STPG2: variants seen among roughly 807,000 people sequenced by gnomAD.
STPG2 encodes the protein sperm-tail PG-rich repeat-containing protein 2.
A neutral mutation model predicts 54.2 loss-of-function variants in STPG2; 56 were observed. The observed-to-expected ratio is 1.03, with a 90% CI of 0.83 to 1.29. The LOEUF (loss-of-function observed/expected upper bound fraction) is 1.29. STPG2 is among the 50% of genes most tolerant of loss of function. The pLI is 0.00. For missense variants in STPG2, 596 were observed against 544.9 expected, an observed-to-expected ratio of 1.09 and a Z score of -0.93; for synonymous variants, 200 against 181.8, an observed-to-expected ratio of 1.10 and a Z score of -0.81.
chr4:97,735,453 A>G (rs1724951123), intron 9 of STPG2, among the ~76,000 whole-genome samples: 1 of 151,530 alleles, frequency 6.6e-6, no homozygotes. Context: ...GGTACAATGT[A>G]CACTATTCAG....
At chr4:97,963,185 A>AAAC (rs1233442157) in intron 7 of STPG2, among the ~76,000 whole-genome samples, 18 of 151,898 alleles carry the variant, frequency 1.2e-4, no homozygotes, top group Non-Finnish European at 2.2e-4. Context: ...ACAAACAAAC[A>AAAC]AAAAAACAAT....
chr4:97,911,400 C>T (rs1024705868), intron 8 of STPG2, among the ~76,000 whole-genome samples: 23 of 152,188 alleles, frequency 1.5e-4, no homozygotes, highest in African/African-American at 4.8e-4. Context: ...GAACTCCAGA[C>T]GCCCAGTGGC....
chr4:97,854,491 T>C (rs1296612285), intron 8 of STPG2, among the ~76,000 whole-genome samples: 2 of 148,274 alleles, frequency 1.3e-5, no homozygotes, highest in African/African-American at 4.9e-5. Context: ...ATATATATAA[T>C]TTATATATTA....
At chr4:98,049,013 A>T (rs762964568) in intron 5 of STPG2, 1 of 152,310 alleles carries the variant, frequency 6.6e-6, no homozygotes, top group African/African-American at 2.4e-5. Context: ...AAGGGGGTTC[A>T]GGAGATTTTG....
At chr4:98,130,856 A>T (rs1463424913) in intron 2 of STPG2, among the ~76,000 whole-genome samples, 1 of 139,000 alleles carries the variant, frequency 7.2e-6, no homozygotes, top group Non-Finnish European at 1.5e-5. Flanking sequence ...CGGGAGGTGG[A>T]GCTTGCAGTG....
chr4:97,714,702 G>A (rs895690361), intron 9 of STPG2, among the ~76,000 whole-genome samples: 1 of 152,100 alleles, frequency 6.6e-6, no homozygotes, highest in Admixed American at 6.5e-5. Flanking sequence ...CACAAACTAT[G>A]TAAGGGAAAA....
chr4:97,923,954 G>C (rs953173135), intron 8 of STPG2, among the ~76,000 whole-genome samples: 7 of 152,206 alleles, frequency 4.6e-5, no homozygotes, highest in Non-Finnish European at 1.0e-4. Flanking sequence ...GGCCAGATAA[G>C]AGAATAAAAG....
At chr4:97,884,493 C>T (rs1381955519) in intron 8 of STPG2, among the ~76,000 whole-genome samples, 2 of 151,964 alleles carry the variant, frequency 1.3e-5, no homozygotes, top group African/African-American at 4.8e-5. Flanking sequence ...AAAAGATGAC[C>T]ATTGAAAGCC....
intron 4 of STPG2, among the ~76,000 whole-genome samples, chr4:97,544,647 T>C (rs1386723475): frequency 6.6e-6 from 1 of 152,006 alleles, no homozygotes; most frequent in Admixed American, 6.6e-5. Context: ...GAAATTAACA[T>C]GGCTTAAAAA....
intron 9 of STPG2, among the ~76,000 whole-genome samples, chr4:97,748,865 G>T (rs1725497522): frequency 6.6e-6 from 1 of 151,578 alleles, no homozygotes; most frequent in Admixed American, 6.6e-5. Flanking sequence ...GTACAAAAAT[G>T]GGTTTGTTTT....
intron 4 of STPG2, among the ~76,000 whole-genome samples, chr4:97,500,139 T>C (rs1402285550): frequency 6.6e-6 from 1 of 151,850 alleles, no homozygotes; most frequent in East Asian, 1.9e-4. Flanking sequence ...AGAGAAAAGA[T>C]GATGATAGTG....
chr4:97,933,432 T>C (rs1032734759), intron 8 of STPG2, among the ~76,000 whole-genome samples: 7 of 152,308 alleles, frequency 4.6e-5, no homozygotes, highest in African/African-American at 1.7e-4. Context: ...TCATAAAATC[T>C]TTGCCCAAGC....
intron 9 of STPG2, among the ~76,000 whole-genome samples, chr4:97,779,536 A>G (rs891590114): frequency 1.3e-5 from 2 of 152,216 alleles, no homozygotes; most frequent in African/African-American, 2.4e-5. Flanking sequence ...AACTTCCCCA[A>G]CCTAGCAAGG....
At chr4:97,758,214 C>G (rs1725787212) in intron 9 of STPG2, among the ~76,000 whole-genome samples, 1 of 151,992 alleles carries the variant, frequency 6.6e-6, no homozygotes. Flanking sequence ...GGGCATTCTG[C>G]AAGGAATGTG....
At chr4:98,033,464 G>T (rs1736666568) in intron 5 of STPG2, among the ~76,000 whole-genome samples, 1 of 151,910 alleles carries the variant, frequency 6.6e-6, no homozygotes, top group African/African-American at 2.4e-5. Flanking sequence ...GTAATTAATA[G>T]CCTACCAACC....
chr4:97,862,546 G>A (rs7694344), intron 8 of STPG2, among the ~76,000 whole-genome samples: 88,402 of 151,634 alleles, frequency 0.58, 26,313 homozygotes, highest in East Asian at 0.74. Context: ...ATGAGACAGA[G>A]AGTTAATAAG....
At chr4:97,999,363 C>A (rs539115832) in intron 5 of STPG2, among the ~76,000 whole-genome samples, 1 of 152,294 alleles carries the variant, frequency 6.6e-6, no homozygotes, top group South Asian at 2.1e-4. Context: ...GACTATGACA[C>A]ACTCCTGGCT....
At chr4:97,987,249 A>G (rs1331015091) in intron 5 of STPG2, among the ~76,000 whole-genome samples, 1 of 152,154 alleles carries the variant, frequency 6.6e-6, no homozygotes, top group Non-Finnish European at 1.5e-5. Context: ...AAGCTCAGAA[A>G]AAATTATCCA....
intron 8 of STPG2, among the ~76,000 whole-genome samples, chr4:97,905,518 A>T (rs1232615288): frequency 6.6e-6 from 1 of 152,172 alleles, no homozygotes; most frequent in Non-Finnish European, 1.5e-5. Flanking sequence ...AAATGTAAAG[A>T]CCATCGAGAC....
Sources: allele counts gnomAD v4.1 joint callset (sites outside exome capture counted in the v4.1 genomes callset), GRCh38; gene constraint gnomAD v4.1.1; transcripts MANE v1.5; gene names NCBI Gene and HGNC (gene_info 2026-07-23, HGNC 2026-07-21).